The following SEMA6A variants were observed in gnomAD, a reference collection of about 807,000 sequenced individuals.
The protein encoded by SEMA6A is semaphorin 6A, also known as semaphorin-6A.
Under a neutral mutation model 96.8 loss-of-function variants are expected in SEMA6A, and 25 were observed. That is an observed-to-expected ratio of 0.26 (90% CI 0.19 to 0.36). SEMA6A has a LOEUF of 0.36. SEMA6A is among the 10% of genes least tolerant of loss of function. The pLI is 1.00. For synonymous variants in SEMA6A, 612 were observed against 518.0 expected, an observed-to-expected ratio of 1.18 and a Z score of -2.46; for missense variants, 1,363 against 1,323.1, an observed-to-expected ratio of 1.03 and a Z score of -0.47.
intron 1 of SEMA6A, among the ~76,000 whole-genome samples, chr5:116,519,961 T>C (rs1388344997): frequency 6.6e-6 from 1 of 152,168 alleles, no homozygotes; most frequent in Non-Finnish European, 1.5e-5. Context: ...TTTAGAAACA[T>C]AGATCATGTT....
At chr5:116,475,195 G>A (rs1401253458) in intron 16 of SEMA6A, among the ~76,000 whole-genome samples, 1 of 152,132 alleles carries the variant, frequency 6.6e-6, no homozygotes, top group African/African-American at 2.4e-5. Flanking sequence ...TTATTATTTG[G>A]CGGAAAATGA....
chr5:116,451,009 C>G lies in SEMA6A; in HGVS notation c.1895-3198G>C, dbSNP rs547402694. ...ATTGTGAAGGCTTGGAAACAGCAGA[C>G]TTGTCAGTAGTGGTGATAAAAGCAG... On this transcript the variant is annotated intron_variant, in intron 18 of 18. Transcript: ENST00000343348. Among the ~76,000 whole-genome samples, 201 of 152,258 alleles carry G rather than the reference C, an allele frequency of 1.3e-3. 2 individuals carry two copies. The highest frequency in any genetic ancestry group is 6.8e-3 in the Middle Eastern group (2 of 294).
chr5:116,524,557 C>A (rs931969693), intron 1 of SEMA6A, among the ~76,000 whole-genome samples: 1 of 151,932 alleles, frequency 6.6e-6, no homozygotes, highest in Admixed American at 6.6e-5. Flanking sequence ...ATCTTAGGTT[C>A]CCTAGCAAGA....
intron 18 of SEMA6A, among the ~76,000 whole-genome samples, chr5:116,458,591 C>G (rs1036622015): frequency 1.3e-5 from 2 of 152,064 alleles, no homozygotes; most frequent in African/African-American, 4.8e-5. Context: ...TAATTTAAGT[C>G]CTTCATTTTT....
At chr5:116,527,756 G>A (rs1005787261) in intron 1 of SEMA6A, among the ~76,000 whole-genome samples, 10 of 152,080 alleles carry the variant, frequency 6.6e-5, no homozygotes, top group Admixed American at 3.3e-4. Flanking sequence ...ACAGTATAAC[G>A]TGACAGTTAG....
intron 1 of SEMA6A, among the ~76,000 whole-genome samples, chr5:116,541,964 A>G (rs1164359455): frequency 6.6e-6 from 1 of 152,238 alleles, no homozygotes; most frequent in Non-Finnish European, 1.5e-5. Context: ...ATGAAGTCTC[A>G]TGTGCAGAAG....
At chr5:116,457,741 G>A (rs2288476) in intron 18 of SEMA6A, among the ~76,000 whole-genome samples, 30,698 of 151,986 alleles carry the variant, frequency 0.2, 3,429 homozygotes, top group East Asian at 0.43. Flanking sequence ...ACTTCAGGGC[G>A]TTTCCACAAT....
At chr5:116,547,420 A>C (rs1207851014) in intron 1 of SEMA6A, among the ~76,000 whole-genome samples, 1 of 152,190 alleles carries the variant, frequency 6.6e-6, no homozygotes, top group Non-Finnish European at 1.5e-5. Context: ...AACTCCTAAG[A>C]ATTTGAAATG....
At chr5:116,548,862 A>G (rs538975075) in intron 1 of SEMA6A, among the ~76,000 whole-genome samples, 6 of 152,328 alleles carry the variant, frequency 3.9e-5, no homozygotes, top group Admixed American at 2.6e-4. Flanking sequence ...TTGGAAACTA[A>G]AAGAATAATA....
At position 116,486,814 on chromosome 5, in the gene SEMA6A, A is replaced by G; in HGVS notation, c.897T>C (p.Val299=). The G allele has an allele frequency of 6.2e-7, 1 of 1,613,872 alleles. No individual in the cohort carries two copies. The highest frequency in any genetic ancestry group is 8.5e-7 in the Non-Finnish European group (1 of 1,179,800). Residue 299 remains valine (V), a synonymous_variant, in exon 10 of 19, where the codon GTT becomes GTC. Coordinates refer to ENST00000343348, the MANE Select transcript of SEMA6A (RefSeq NM_020796.5). ...SHFYFNILQA[V]TDVIRINGRD... is the part of the protein sequence containing the mutation. ...GCCCGTTGATACGAATCACATCTGT[A>G]ACTGCCTGGAGAATGTTGAAATAAA...
At chr5:116,537,305 C>A (rs1759759304) in intron 1 of SEMA6A, among the ~76,000 whole-genome samples, 1 of 152,198 alleles carries the variant, frequency 6.6e-6, no homozygotes, top group Admixed American at 6.5e-5. Context: ...TGTAAAGAAG[C>A]TGTTCTTCCA....
chr5:116,446,787 G>C lies in SEMA6A; in HGVS notation c.2919C>G (p.Ser973Arg). 1 of 1,612,598 alleles carries C rather than the reference G, an allele frequency of 6.2e-7. No homozygotes were observed. The highest frequency in any genetic ancestry group is 8.5e-7 in the Non-Finnish European group (1 of 1,179,288). The change falls in exon 19 of 19, where the codon AGC becomes AGG. Residue 973 changes from serine (S) to arginine (R), a missense_variant. Around this residue, in one of 2 missense-constraint regions of SEMA6A, gnomAD observed 883 missense variants for 763.6 expected, o/e 1.16. Transcript: ENST00000343348. ...TCACGGCCTGGCCAGATGGCTGGGA[G>C]CTGTGCACCTGGATGGAGTCCACCC... ...PQRVDSIQVH[S>R]SQPSGQAVTV...
In SEMA6A at chr5:116,514,725, C is replaced by T. The variant is rs539229644; in HGVS notation, c.-38-9743G>A. On this transcript the variant is annotated intron_variant, in intron 1 of 18. Transcript: ENST00000343348. Reference sequence around the variant, plus strand: ...GGGAGCCAAAATTCATTCACTTCTCCTTGGCTTGCTGCCTGATGTTCATTA... The same window carrying T: ...GGGAGCCAAAATTCATTCACTTCTCTTTGGCTTGCTGCCTGATGTTCATTA... Among the ~76,000 whole-genome samples, 4 of 152,148 alleles carry T rather than the reference C, an allele frequency of 2.6e-5. No individual in the cohort carries two copies. In the South Asian group the frequency reaches 8.3e-4, roughly 32 times the overall value.
chr5:116,500,887 TC>T (rs1469105887), intron 3 of SEMA6A, among the ~76,000 whole-genome samples: 3 of 152,080 alleles, frequency 2.0e-5, no homozygotes, highest in Non-Finnish European at 4.4e-5. Context: ...GCACCTGTAG[TC>T]CCAGCTACTC....
At chr5:116,508,994 A>G (rs1232777440) in intron 1 of SEMA6A, among the ~76,000 whole-genome samples, 3 of 152,224 alleles carry the variant, frequency 2.0e-5, no homozygotes, top group Non-Finnish European at 4.4e-5. Flanking sequence ...CTGTCTATAC[A>G]CACAAATTAA....
intron 17 of SEMA6A, chr5:116,469,277 A>G (rs1755958149): frequency 6.6e-6 from 1 of 152,352 alleles, no homozygotes; most frequent in South Asian, 2.1e-4. Context: ...ATGTTCATTT[A>G]AAATTCAAGG....
At chr5:116,521,084 G>T (rs907766519) in intron 1 of SEMA6A, among the ~76,000 whole-genome samples, 5 of 152,230 alleles carry the variant, frequency 3.3e-5, no homozygotes, top group Admixed American at 2.6e-4. Flanking sequence ...AAAAGCATTT[G>T]CAAGGAGACA....
intron 12 of SEMA6A, 92 bp from the exon 13 acceptor site, chr5:116,478,810 T>G: frequency 1.6e-6 from 2 of 1,252,970 alleles, no homozygotes; most frequent in Non-Finnish European, 2.2e-6. Flanking sequence ...CATAGCCTTC[T>G]AGTAATAACC....
intron 10 of SEMA6A, among the ~76,000 whole-genome samples, chr5:116,485,568 G>A (rs1485786059): frequency 2.6e-5 from 4 of 152,134 alleles, no homozygotes; most frequent in Non-Finnish European, 4.4e-5. Context: ...ACTCTCATCC[G>A]CTGTATAATT....
Sources: gnomAD v4.1 joint callset for allele counts (sites outside exome capture counted in the v4.1 genomes callset) on GRCh38, gnomAD v4.1.1 for gene constraint, gnomAD v4.1.1 regional missense constraint, MANE v1.5 for transcripts, NCBI Gene and HGNC (gene_info 2026-07-23, HGNC 2026-07-21) for gene names.